MSRA: variants seen among roughly 807,000 people sequenced by gnomAD.
The protein encoded by MSRA is mitochondrial peptide methionine sulfoxide reductase.
Under a neutral mutation model 31.3 loss-of-function variants are expected in MSRA, and 54 were observed. The observed-to-expected ratio is 1.73, with a 90% CI of 1.39 to 2.17. The LOEUF is 2.17. Among genes scored for constraint, MSRA ranks in the 30% most tolerant of loss-of-function variants. The probability of loss-of-function intolerance (pLI) is 0.00; values close to 1 mark genes in which losing one functional copy is unlikely to be tolerated. For synonymous variants in MSRA, 169 were observed against 116.5 expected (o/e 1.45, Z -2.90); for missense variants, 507 against 300.9 (o/e 1.69, Z -5.07).
chr8:10,423,519 G>T (rs1380392776), intron 5 of MSRA, among the ~76,000 whole-genome samples: 3 of 152,122 alleles, frequency 2.0e-5, no homozygotes, highest in African/African-American at 7.2e-5. Context: ...GGCGGGGAGG[G>T]GGGGTGGCAG....
At chr8:10,395,218 A>C (rs1401442380) in intron 5 of MSRA, among the ~76,000 whole-genome samples, 3 of 152,134 alleles carry the variant, frequency 2.0e-5, no homozygotes, top group African/African-American at 7.2e-5. Context: ...AAAGATGTGT[A>C]GGGTTTTTAA....
At chr8:10,211,664 A>G (rs1809508752) in intron 2 of MSRA, among the ~76,000 whole-genome samples, 1 of 152,162 alleles carries the variant, frequency 6.6e-6, no homozygotes, top group African/African-American at 2.4e-5. Flanking sequence ...ATAGGCAGAC[A>G]AACTGAGGCA....
intron 3 of MSRA, among the ~76,000 whole-genome samples, chr8:10,300,172 G>A (rs1800766401): frequency 6.6e-6 from 1 of 151,830 alleles, no homozygotes; most frequent in South Asian, 2.1e-4. Context: ...GCACACATCT[G>A]GTAGGCACCC....
chr8:10,344,282 A>C (rs943198363), intron 5 of MSRA, among the ~76,000 whole-genome samples: 1 of 152,128 alleles, frequency 6.6e-6, no homozygotes, highest in Non-Finnish European at 1.5e-5. Context: ...CTAATGGTGG[A>C]CTATAGAGTG....
chr8:10,428,190 C>G lies in MSRA; in HGVS notation c.586C>G (p.Arg196Gly). The change falls in exon 6 of 6, where the codon CGG becomes GGG. Residue 196 changes from arginine to glycine, a missense_variant. By Grantham distance (125) the Arg-to-Gly change is moderately radical. Transcript: ENST00000317173. ...HGFGPITTDI[R>G]EGQTFYYAED... ...CTTCGGCCCCATCACTACCGACATC[C>G]GGGAGGGACAGACTTTCTACTATGC... The G allele has an allele frequency of 6.2e-7, 1 of 1,614,068 alleles. No individual in the cohort carries two copies. Among genetic ancestry groups the G allele is most frequent in the Non-Finnish European group, 8.5e-7 (1 of 1,179,978 alleles).
At chr8:10,312,074 T>C (rs938499376) in intron 4 of MSRA, among the ~76,000 whole-genome samples, 6 of 152,174 alleles carry the variant, frequency 3.9e-5, no homozygotes, top group Admixed American at 3.9e-4. Context: ...TAAATTCATA[T>C]ATTAGAAGAG....
chr8:10,368,662 A>G (rs753632496), intron 5 of MSRA, among the ~76,000 whole-genome samples: 1 of 152,266 alleles, frequency 6.6e-6, no homozygotes, highest in Non-Finnish European at 1.5e-5. Flanking sequence ...AATGAAAGAT[A>G]AAAGCTCTTT....
At chr8:10,254,351 G>A (rs1163393204) in intron 3 of MSRA, among the ~76,000 whole-genome samples, 1 of 151,860 alleles carries the variant, frequency 6.6e-6, no homozygotes, top group Non-Finnish European at 1.5e-5. Context: ...CTTCTCTTTT[G>A]CTTCTTCTTT....
At chr8:10,263,190 A>G (rs1465048932) in intron 3 of MSRA, among the ~76,000 whole-genome samples, 3 of 152,228 alleles carry the variant, frequency 2.0e-5, no homozygotes, top group African/African-American at 7.2e-5. Flanking sequence ...GGCTAAACTC[A>G]AAATCTTTAT....
At chr8:10,063,505 C>T (rs575936578) in intron 1 of MSRA, among the ~76,000 whole-genome samples, 4 of 152,300 alleles carry the variant, frequency 2.6e-5, no homozygotes, top group African/African-American at 9.6e-5. Flanking sequence ...TTGCAGGTTG[C>T]TATGGTCTGA....
At chr8:10,172,276 C>A (rs927706740) in intron 1 of MSRA, among the ~76,000 whole-genome samples, 2 of 152,150 alleles carry the variant, frequency 1.3e-5, no homozygotes, top group Admixed American at 6.5e-5. Flanking sequence ...GATTCCAGAT[C>A]AGCAAAGGAA....
At chr8:10,081,697 C>T (rs926617309) in intron 1 of MSRA, among the ~76,000 whole-genome samples, 7 of 152,112 alleles carry the variant, frequency 4.6e-5, no homozygotes, top group African/African-American at 1.7e-4. Flanking sequence ...ACCATATTGG[C>T]CAGACTGGTC....
intron 3 of MSRA, among the ~76,000 whole-genome samples, chr8:10,277,920 T>C (rs1799411130): frequency 6.6e-6 from 1 of 152,160 alleles, no homozygotes. Flanking sequence ...AAAACAACTC[T>C]TTACATAGGC....
intron 5 of MSRA, among the ~76,000 whole-genome samples, chr8:10,349,559 C>G (rs988922705): frequency 2.0e-5 from 3 of 152,244 alleles, no homozygotes; most frequent in Non-Finnish European, 4.4e-5. Context: ...CCTTGAACGT[C>G]CCTTGAGCAC....
intron 1 of MSRA, among the ~76,000 whole-genome samples, chr8:10,109,627 C>G (rs1446032190): frequency 3.3e-5 from 5 of 152,218 alleles, no homozygotes; most frequent in African/African-American, 7.2e-5. Context: ...TAGGTGTACG[C>G]CACTGTGCCC....
At chr8:10,389,978 A>G (rs570893341) in intron 5 of MSRA, among the ~76,000 whole-genome samples, 12 of 152,244 alleles carry the variant, frequency 7.9e-5, no homozygotes, top group East Asian at 7.8e-4. Context: ...CATGGCTCAC[A>G]GAGCCCTGCC....
At chr8:10,171,453 T>G (rs2129046478) in intron 1 of MSRA, among the ~76,000 whole-genome samples, 1 of 152,120 alleles carries the variant, frequency 6.6e-6, no homozygotes, top group East Asian at 1.9e-4. Flanking sequence ...TCTGATCAAA[T>G]TTTCACCTTT....
chr8:10,252,153 T>C (rs1297115788), intron 3 of MSRA, among the ~76,000 whole-genome samples: 1 of 152,216 alleles, frequency 6.6e-6, no homozygotes, highest in African/African-American at 2.4e-5. Context: ...GCTTTCTTTG[T>C]CGAGTAAGGG....
At chr8:10,183,636 G>A (rs1450628556) in intron 1 of MSRA, among the ~76,000 whole-genome samples, 1 of 152,196 alleles carries the variant, frequency 6.6e-6, no homozygotes, top group East Asian at 1.9e-4. Flanking sequence ...TCTCTGGCTA[G>A]GTTATTTGTC....
Sources: allele counts gnomAD v4.1 joint callset (sites outside exome capture counted in the v4.1 genomes callset), GRCh38; gene constraint gnomAD v4.1.1; transcripts MANE v1.5; gene names NCBI Gene and HGNC (gene_info 2026-07-23, HGNC 2026-07-21).